The following LRRC4C variants were observed in gnomAD, a reference collection of about 807,000 sequenced individuals.
LRRC4C encodes leucine rich repeat containing 4C.
Under a neutral mutation model 33.6 loss-of-function variants are expected in LRRC4C, and 5 were observed. The ratio of observed to expected loss-of-function variants is 0.15; its 90% CI spans 0.08 to 0.31. LRRC4C has a LOEUF of 0.31. Ranked by LOEUF, LRRC4C falls within the 10% of genes least tolerant of loss-of-function variation. The pLI is 1.00. For synonymous variants in LRRC4C, 329 were observed against 302.0 expected (o/e 1.09, Z -0.93); for missense variants, 560 against 796.7 (o/e 0.70, Z 3.58).
chr11:41,248,377 T>G (rs1226524353), intron 1 of LRRC4C, among the ~76,000 whole-genome samples: 1 of 152,226 alleles, frequency 6.6e-6, no homozygotes, highest in Non-Finnish European at 1.5e-5. Flanking sequence ...AATCACACTC[T>G]TCTTCATTTT....
At chr11:40,945,347 G>A (rs1167219292) in intron 1 of LRRC4C, among the ~76,000 whole-genome samples, 7 of 151,800 alleles carry the variant, frequency 4.6e-5, no homozygotes, top group Admixed American at 2.6e-4. Context: ...TTCTCTCCTG[G>A]CCAAACCCTA....
chr11:40,512,796 G>A lies in LRRC4C; in HGVS notation c.-270+135346C>T, dbSNP rs977253259. Among the ~76,000 whole-genome samples, 11 of 152,266 alleles carry A rather than the reference G, an allele frequency of 7.2e-5. 1 individual carries two copies. The highest frequency in any genetic ancestry group is 2.6e-4 in the African/African-American group (11 of 41,550). On this transcript the variant is annotated intron_variant, in intron 3 of 6. Coordinates refer to ENST00000528697, the MANE Select transcript of LRRC4C (RefSeq NM_001258419.2). ...ATCAAAATCAAGGATGAATTCAGGA[G>A]ACAGGTATCATTGGGAGTCGACACT...
chr11:41,099,951 T>A (rs1590574180), intron 1 of LRRC4C, among the ~76,000 whole-genome samples: 1 of 152,090 alleles, frequency 6.6e-6, no homozygotes, highest in African/African-American at 2.4e-5. Flanking sequence ...ATAGTCTGAG[T>A]GCAAAAGCTT....
chr11:41,119,620 A>G (rs1408306639), intron 1 of LRRC4C, among the ~76,000 whole-genome samples: 1 of 152,178 alleles, frequency 6.6e-6, no homozygotes, highest in Non-Finnish European at 1.5e-5. Context: ...TTATAAGTTC[A>G]AGGTTAAGGG....
intron 2 of LRRC4C, among the ~76,000 whole-genome samples, chr11:40,829,434 C>T (rs1041477540): frequency 1.3e-5 from 2 of 151,910 alleles, no homozygotes; most frequent in Admixed American, 1.3e-4. Context: ...GTTACAGAGT[C>T]ACTTAGGAAT....
intron 1 of LRRC4C, among the ~76,000 whole-genome samples, chr11:41,218,988 G>T (rs1947186337): frequency 6.6e-6 from 1 of 151,834 alleles, no homozygotes; most frequent in African/African-American, 2.4e-5. Flanking sequence ...AGCCAGGATG[G>T]TCTCAATCTC....
At chr11:41,182,872 G>T (rs1486599354) in intron 1 of LRRC4C, among the ~76,000 whole-genome samples, 1 of 149,198 alleles carries the variant, frequency 6.7e-6, no homozygotes, top group Non-Finnish European at 1.5e-5. Context: ...AAGGTTTAAT[G>T]TACTTAGAGT....
chr11:40,948,399 T>C (rs902840866), intron 1 of LRRC4C, among the ~76,000 whole-genome samples: 1 of 151,738 alleles, frequency 6.6e-6, no homozygotes, highest in Admixed American at 6.6e-5. Flanking sequence ...TAAGTTTTAG[T>C]GTACATGTGC....
intron 1 of LRRC4C, among the ~76,000 whole-genome samples, chr11:41,208,340 G>A (rs951048903): frequency 4.6e-5 from 7 of 152,270 alleles, no homozygotes; most frequent in South Asian, 2.1e-4. Context: ...AAATGAGAGC[G>A]GAAAGAGATA....
At chr11:40,515,418 C>T (rs1043229375) in intron 3 of LRRC4C, among the ~76,000 whole-genome samples, 11 of 151,988 alleles carry the variant, frequency 7.2e-5, no homozygotes, top group Admixed American at 3.3e-4. Flanking sequence ...ACTTTCTTTT[C>T]TATATGTGAA....
At chr11:40,851,565 G>A (rs1380907115) in intron 2 of LRRC4C, among the ~76,000 whole-genome samples, 2 of 152,116 alleles carry the variant, frequency 1.3e-5, no homozygotes, top group Non-Finnish European at 2.9e-5. Flanking sequence ...GCTGTAGACC[G>A]GAGCTGTTCC....
At chr11:41,146,789 G>A (rs564504910) in intron 1 of LRRC4C, among the ~76,000 whole-genome samples, 35 of 152,288 alleles carry the variant, frequency 2.3e-4, no homozygotes, top group African/African-American at 7.0e-4. Context: ...ACATAGCCAG[G>A]CATTACATGC....
intron 3 of LRRC4C, among the ~76,000 whole-genome samples, chr11:40,350,141 G>A (rs188961115): frequency 6.6e-6 from 1 of 152,126 alleles, no homozygotes; most frequent in East Asian, 1.9e-4. Context: ...TATGCTTTTA[G>A]GATATTACTC....
chr11:41,310,050 T>A (rs1950604632), intron 1 of LRRC4C, among the ~76,000 whole-genome samples: 2 of 152,232 alleles, frequency 1.3e-5, no homozygotes, highest in Non-Finnish European at 2.9e-5. Context: ...TCAATGAGTT[T>A]TATTTCTCAT....
rs1945099300 is a variant in LRRC4C at position 41,174,218 on chromosome 11, T to C, written c.-495-240495A>G. ...TATTGAGCTTATCAAGTTATTTATG[T>C]ATGAGTTATGCAATATGAATAAGCT... On this transcript the variant is annotated intron_variant, in intron 1 of 6. Transcript: ENST00000528697. Among the ~76,000 whole-genome samples, 3 of 152,124 alleles carry C rather than the reference T, an allele frequency of 2.0e-5. No homozygotes were observed. The South Asian group carries it at 6.2e-4, about 32-fold the overall frequency.
intron 3 of LRRC4C, among the ~76,000 whole-genome samples, chr11:40,347,166 G>A (rs909190086): frequency 6.6e-6 from 1 of 152,180 alleles, no homozygotes; most frequent in Admixed American, 6.5e-5. Context: ...ACCTTCATCA[G>A]TCATTTAGCT....
intron 3 of LRRC4C, among the ~76,000 whole-genome samples, chr11:40,469,369 G>A (rs986080050): frequency 2.6e-5 from 4 of 152,112 alleles, no homozygotes; most frequent in African/African-American, 4.8e-5. Context: ...TGCTTTTCCC[G>A]TGGTCTTCGC....
At chr11:41,017,077 C>A (rs1020251484) in intron 1 of LRRC4C, among the ~76,000 whole-genome samples, 1 of 152,122 alleles carries the variant, frequency 6.6e-6, no homozygotes, top group Non-Finnish European at 1.5e-5. Context: ...ATCAAGAGAG[C>A]ATTTCACTCT....
intron 4 of LRRC4C, among the ~76,000 whole-genome samples, chr11:40,275,464 A>G (rs7942583): frequency 0.074 from 11,338 of 152,190 alleles, 535 homozygotes; most frequent in African/African-American, 0.12. Context: ...ACATAAAAGC[A>G]GGCAGCCCTC....
Sources: allele counts gnomAD v4.1 joint callset (sites outside exome capture counted in the v4.1 genomes callset), GRCh38; gene constraint gnomAD v4.1.1; transcripts MANE v1.5; gene names NCBI Gene and HGNC (gene_info 2026-07-23, HGNC 2026-07-21).